Variants in RIN3 observed in about 807,000 individuals in gnomAD.
RIN3 encodes the protein RAB5 interacting protein 3.
A neutral mutation model predicts 76.3 loss-of-function variants in RIN3; 54 were observed. The observed-to-expected ratio is 0.71, with a 90% CI of 0.57 to 0.89. RIN3 has a LOEUF of 0.89. Ranked by LOEUF, RIN3 falls within the 40% of genes least tolerant of loss-of-function variation. The pLI is 0.00. For synonymous variants in RIN3, 576 were observed against 564.0 expected, an observed-to-expected ratio of 1.02 and a Z score of -0.30; for missense variants, 1,256 against 1,322.1, an observed-to-expected ratio of 0.95 and a Z score of 0.78.
At chr14:92,670,499 C>A (rs1210939362) in intron 7 of RIN3, among the ~76,000 whole-genome samples, 8 of 152,180 alleles carry the variant, frequency 5.3e-5, no homozygotes, top group African/African-American at 1.9e-4. Context: ...GGGTTCCAGG[C>A]TGCTCAGGAA....
In RIN3 at chr14:92,568,133, A is replaced by AG. The variant is rs1332313070; in HGVS notation, c.250-9221dup. 2.6e-5 allele frequency among the ~76,000 whole-genome samples: 4 copies of AG among 152,082 alleles called. No individual in the cohort carries two copies. The highest frequency in any genetic ancestry group is 4.8e-5 in the African/African-American group (2 of 41,406). On this transcript the variant is annotated intron_variant, in intron 2 of 9. Coordinates refer to ENST00000216487, the MANE Select transcript of RIN3 (RefSeq NM_024832.5). This position sits in a 1 kb window ranked among gnomAD's most constrained non-coding sequence, Gnocchi z 4.2. ...ACTGTGTCTCTAAATAGCTGGCTGC[A>AG]GGGGGGCAGAAAGGGAGAAGTAAGG...
chr14:92,654,004 C>G (rs947675700), intron 6 of RIN3, among the ~76,000 whole-genome samples: 2 of 151,766 alleles, frequency 1.3e-5, no homozygotes, highest in East Asian at 1.9e-4. Context: ...GGTGACAGAG[C>G]GAAACCCTGT....
At chr14:92,680,623 C>T (rs12889079) in intron 8 of RIN3, among the ~76,000 whole-genome samples, 41,805 of 152,062 alleles carry the variant, frequency 0.27, 6,904 homozygotes, top group Non-Finnish European at 0.36. Flanking sequence ...AACATAGGAT[C>T]TGGGGGTAGG....
chr14:92,545,659 C>A (rs559375906), intron 1 of RIN3, among the ~76,000 whole-genome samples: 31 of 147,712 alleles, frequency 2.1e-4, no homozygotes, highest in Non-Finnish European at 3.7e-4. Flanking sequence ...GTGCTCACTG[C>A]AGCCTCAATC....
At chr14:92,607,366 G>A (rs889628114) in intron 3 of RIN3, among the ~76,000 whole-genome samples, 4 of 152,248 alleles carry the variant, frequency 2.6e-5, no homozygotes, top group African/African-American at 7.2e-5. Flanking sequence ...AGTAGAGGCT[G>A]GACATGGCAG....
intron 1 of RIN3, among the ~76,000 whole-genome samples, chr14:92,544,414 T>TGGGGGGGGGGGGGGGTGGGGGGGGG (rs1897200611): frequency 1.3e-5 from 1 of 74,546 alleles, no homozygotes; most frequent in Non-Finnish European, 2.4e-5. Context: ...GTGACAGCTG[T>TGGGGGGGGGGGGGGGTGGGGGGGGG]GGGGGGGGGG....
chr14:92,601,543 G>A (rs934685740), intron 3 of RIN3, among the ~76,000 whole-genome samples: 1 of 152,170 alleles, frequency 6.6e-6, no homozygotes, highest in African/African-American at 2.4e-5. Flanking sequence ...TCCTTCTGTG[G>A]CACTCAGGGC....
chr14:92,574,029 C>T (rs1898139955), intron 2 of RIN3, among the ~76,000 whole-genome samples: 1 of 152,200 alleles, frequency 6.6e-6, no homozygotes, highest in African/African-American at 2.4e-5. Flanking sequence ...CAGGCAGGCA[C>T]CACCCCCACC....
At position 92,540,328 on chromosome 14, in the gene RIN3, T is replaced by C. The variant is rs144387683; in HGVS notation, c.45-15423T>C. Among the ~76,000 whole-genome samples, 53 of 152,290 alleles carry C rather than the reference T, an allele frequency of 3.5e-4. No individual in the cohort carries two copies. In the East Asian group the frequency reaches 9.9e-3, roughly 28 times the overall value. ...CCACCGAGGGTCGGGGGTCTTAGGC[T>C]GCACTCTATTCCCCACCTCCTAATG... On this transcript the variant is annotated intron_variant, in intron 1 of 9. Transcript: ENST00000216487.
At chr14:92,590,348 G>A (rs771956488) in intron 3 of RIN3, among the ~76,000 whole-genome samples, 3 of 152,224 alleles carry the variant, frequency 2.0e-5, no homozygotes, top group Non-Finnish European at 4.4e-5. Context: ...TGGAGGTGGG[G>A]CCTGGTGGGA....
chr14:92,555,945 T>A lies in RIN3; in HGVS notation c.239T>A (p.Val80Glu). The change falls in exon 2 of 10, where the codon GTG (valine) becomes GAG (glutamate). Residue 80 changes from valine to glutamate, a missense_variant. Val to Glu is a moderately radical substitution (Grantham distance 121). Transcript: ENST00000216487. ...GAGGTGGCCAGGATCCTGCACCGGGTGGTGGCTGGGGTGAGTGGGGGCGTC... is the reference window on the plus strand; with the variant it reads ...GAGGTGGCCAGGATCCTGCACCGGGAGGTGGCTGGGGTGAGTGGGGGCGTC... ...QAEVARILHR[V>E]VAGMFLVRRD... 6.2e-7 allele frequency: 1 copy of A among 1,611,812 alleles called. No individual in the cohort carries two copies. The highest frequency in any genetic ancestry group is 1.7e-5 in the Admixed American group (1 of 59,990).
At chr14:92,580,896 A>G (rs956137709) in intron 3 of RIN3, among the ~76,000 whole-genome samples, 4 of 152,264 alleles carry the variant, frequency 2.6e-5, no homozygotes, top group Middle Eastern at 3.2e-3. Flanking sequence ...TGCCCTGGAA[A>G]AAGAACAGCA....
intron 1 of RIN3, among the ~76,000 whole-genome samples, chr14:92,534,511 C>G (rs8012893): frequency 0.32 from 47,432 of 150,260 alleles, 8,044 homozygotes; most frequent in Middle Eastern, 0.47. Flanking sequence ...ACCTGGGAGG[C>G]AGAGGTTGCA....
intron 1 of RIN3, among the ~76,000 whole-genome samples, chr14:92,529,774 C>T (rs1455775406): frequency 6.6e-6 from 1 of 152,048 alleles, no homozygotes; most frequent in Admixed American, 6.6e-5. Flanking sequence ...GCGTAGTGTT[C>T]GAGGGCTGCC....
intron 7 of RIN3, among the ~76,000 whole-genome samples, chr14:92,660,955 T>C (rs1887860377): frequency 6.6e-6 from 1 of 152,220 alleles, no homozygotes; most frequent in Admixed American, 6.5e-5. Flanking sequence ...AGAGAGTGGA[T>C]GGATAGCCAC....
At chr14:92,642,111 C>CT (rs139930534) in intron 5 of RIN3, among the ~76,000 whole-genome samples, 13,955 of 149,148 alleles carry the variant, frequency 0.094, 867 homozygotes, top group Non-Finnish European at 0.14. Context: ...TTCTTTCTTT[C>CT]TTTTTTTTTT....
chr14:92,639,275 G>A (rs774319448), intron 4 of RIN3, among the ~76,000 whole-genome samples: 44 of 152,242 alleles, frequency 2.9e-4, no homozygotes, highest in Non-Finnish European at 6.0e-4. Flanking sequence ...CATGGTGAGA[G>A]GCTCAGCAGA....
At chr14:92,567,119 T>C (rs1275750361) in intron 2 of RIN3, among the ~76,000 whole-genome samples, 1 of 152,146 alleles carries the variant, frequency 6.6e-6, no homozygotes, top group Non-Finnish European at 1.5e-5. Flanking sequence ...CTGGGTTTCT[T>C]TGGCTGTAGA....
chr14:92,524,904 C>A (rs1288324434), intron 1 of RIN3, among the ~76,000 whole-genome samples: 1 of 152,242 alleles, frequency 6.6e-6, no homozygotes, highest in Non-Finnish European at 1.5e-5. Context: ...TCACTAGCTG[C>A]CTCCCTCTCT....
Sources: gnomAD v4.1 joint callset for allele counts (sites outside exome capture counted in the v4.1 genomes callset) on GRCh38, gnomAD v4.1.1 for gene constraint, Gnocchi (gnomAD v3.1) non-coding constraint, MANE v1.5 for transcripts, NCBI Gene and HGNC (gene_info 2026-07-23, HGNC 2026-07-21) for gene names.